Variants in AUTS2 observed in about 807,000 individuals in gnomAD.
AUTS2 encodes autism susceptibility gene 2 protein.
In AUTS2, 17 loss-of-function variants were observed where a neutral mutation model predicts 112.4. The ratio of observed to expected loss-of-function variants is 0.15; its 90% CI spans 0.10 to 0.23. The LOEUF (loss-of-function observed/expected upper bound fraction) is 0.23, where lower values mean the gene tolerates loss of function less well. Among genes scored for constraint, AUTS2 ranks in the 10% least tolerant of loss-of-function variants. The pLI, the probability that AUTS2 is intolerant of heterozygous loss-of-function variation, is 1.00. For synonymous variants in AUTS2, 751 were observed against 702.7 expected (o/e 1.07, Z -1.09); for missense variants, 1,510 against 1,701.6 (o/e 0.89, Z 1.98).
chr7:69,628,102 C>T (rs965807953), intron 1 of AUTS2, among the ~76,000 whole-genome samples: 2 of 152,082 alleles, frequency 1.3e-5, no homozygotes, highest in African/African-American at 4.8e-5. Flanking sequence ...TATGTAGTGC[C>T]ATTGTCAAAA....
At chr7:70,689,653 G>A (rs1243364739) in intron 5 of AUTS2, among the ~76,000 whole-genome samples, 1 of 151,652 alleles carries the variant, frequency 6.6e-6, no homozygotes, top group Admixed American at 6.6e-5. Flanking sequence ...GCGGGTGCCT[G>A]TAGTCCCAGC....
chr7:70,655,288 T>G (rs1186373846), intron 5 of AUTS2, among the ~76,000 whole-genome samples: 1 of 152,320 alleles, frequency 6.6e-6, no homozygotes, highest in Middle Eastern at 3.4e-3. Context: ...GAAGAGTGTT[T>G]CCCTGTTTTA....
chr7:69,805,456 T>G (rs1250173855), intron 1 of AUTS2, among the ~76,000 whole-genome samples: 2 of 151,922 alleles, frequency 1.3e-5, no homozygotes, highest in Admixed American at 1.3e-4. Flanking sequence ...CAATGAAGAA[T>G]GAAAGAGGCT....
At chr7:69,862,224 A>G (rs1275832846) in intron 1 of AUTS2, among the ~76,000 whole-genome samples, 1 of 152,226 alleles carries the variant, frequency 6.6e-6, no homozygotes, top group Non-Finnish European at 1.5e-5. Context: ...TAATATTCAA[A>G]AAAGGTAAAA....
chr7:70,504,314 C>T (rs946916601), intron 5 of AUTS2, among the ~76,000 whole-genome samples: 1 of 151,822 alleles, frequency 6.6e-6, no homozygotes, highest in Admixed American at 6.6e-5. Flanking sequence ...AGGGCAGCCA[C>T]CGTGACCCCA....
At chr7:69,763,406 G>A (rs1788278403) in intron 1 of AUTS2, among the ~76,000 whole-genome samples, 1 of 152,186 alleles carries the variant, frequency 6.6e-6, no homozygotes, top group South Asian at 2.1e-4. Flanking sequence ...AAACTTGTAA[G>A]AACGGGTACA....
chr7:70,146,317 AT>A (rs35890791), intron 4 of AUTS2, among the ~76,000 whole-genome samples: 32,370 of 151,736 alleles, frequency 0.21, 3,418 homozygotes, highest in Middle Eastern at 0.33. Flanking sequence ...ACATTGTGTT[AT>A]TTTTCTACTG....
At chr7:69,731,682 C>T (rs1469279044) in intron 1 of AUTS2, among the ~76,000 whole-genome samples, 1 of 152,100 alleles carries the variant, frequency 6.6e-6, no homozygotes, top group African/African-American at 2.4e-5. Context: ...AGGTTGTTCC[C>T]TTTTTGGGAC....
chr7:70,737,829 G>A (rs1467567178), intron 6 of AUTS2, among the ~76,000 whole-genome samples: 2 of 152,148 alleles, frequency 1.3e-5, no homozygotes, highest in Admixed American at 6.5e-5. Context: ...CTTGAAAATG[G>A]AAACACATCA....
chr7:70,702,549 G>A (rs1273462116), intron 6 of AUTS2, among the ~76,000 whole-genome samples: 1 of 152,218 alleles, frequency 6.6e-6, no homozygotes, highest in Non-Finnish European at 1.5e-5. Context: ...TCCTGAGTGA[G>A]CCATCGGGGA....
At chr7:70,642,420 G>T (rs527779010) in intron 5 of AUTS2, among the ~76,000 whole-genome samples, 1 of 152,198 alleles carries the variant, frequency 6.6e-6, no homozygotes, top group Non-Finnish European at 1.5e-5. Context: ...CATTTCACGT[G>T]TTCTTTTATT....
At chr7:70,765,095 T>G in intron 8 of AUTS2, 90 bp downstream of exon 8, 1 of 1,503,002 alleles carries the variant, frequency 6.7e-7, no homozygotes, top group Non-Finnish European at 8.9e-7. Flanking sequence ...ATTGCAAGGT[T>G]GCATTTGCCT....
chr7:69,769,494 G>C, intron 1 of AUTS2, among the ~76,000 whole-genome samples: 1 of 152,172 alleles, frequency 6.6e-6, no homozygotes, highest in Admixed American at 6.5e-5. Context: ...TCTTCCTGAA[G>C]TTAATGGTGA....
chr7:70,641,277 C>T (rs1206130454), intron 5 of AUTS2, among the ~76,000 whole-genome samples: 2 of 152,130 alleles, frequency 1.3e-5, no homozygotes, highest in Non-Finnish European at 2.9e-5. Context: ...TCGCCAGGCG[C>T]GGTGGCTCAT....
intron 5 of AUTS2, among the ~76,000 whole-genome samples, chr7:70,639,694 C>T (rs1805713029): frequency 6.7e-6 from 1 of 149,328 alleles, no homozygotes; most frequent in Non-Finnish European, 1.5e-5. Context: ...TCAGTCTTAG[C>T]TGCCTTAAGC....
At chr7:70,480,097 A>T (rs145540322) in intron 5 of AUTS2, among the ~76,000 whole-genome samples, 1 of 152,336 alleles carries the variant, frequency 6.6e-6, no homozygotes, top group Non-Finnish European at 1.5e-5. Context: ...AGGCCAGATT[A>T]TCTTGGCAGA....
intron 6 of AUTS2, 147 bp downstream of exon 6, chr7:70,698,767 G>A: frequency 4.9e-6 from 3 of 610,528 alleles, no homozygotes; most frequent in Non-Finnish European, 5.4e-6. Context: ...TGAGATGGAA[G>A]TCTGCATACT....
intron 18 of AUTS2, among the ~76,000 whole-genome samples, chr7:70,788,534 C>T (rs1015531429): frequency 1.3e-5 from 2 of 152,210 alleles, no homozygotes; most frequent in African/African-American, 4.8e-5. Context: ...CATAACCTGG[C>T]CGACCCTAGG....
At chr7:70,368,008 G>T (rs1443934779) in intron 4 of AUTS2, among the ~76,000 whole-genome samples, 1 of 152,176 alleles carries the variant, frequency 6.6e-6, no homozygotes, top group Non-Finnish European at 1.5e-5. Flanking sequence ...TGGAGTGGGT[G>T]TGTGTATGAG....
Sources: gnomAD v4.1 joint callset for allele counts (sites outside exome capture counted in the v4.1 genomes callset) on GRCh38, gnomAD v4.1.1 for gene constraint, MANE v1.5 for transcripts, NCBI Gene and HGNC (gene_info 2026-07-23, HGNC 2026-07-21) for gene names.